RELN: variants seen among roughly 807,000 people sequenced by gnomAD.
RELN encodes the protein reelin.
A neutral mutation model predicts 427.6 loss-of-function variants in RELN; 108 were observed. That is an observed-to-expected ratio of 0.25 (90% confidence interval 0.22 to 0.30). The LOEUF is 0.30. Ranked by LOEUF, RELN falls within the 10% of genes least tolerant of loss-of-function variation. RELN has a pLI of 1.00. For synonymous variants in RELN, 1,524 were observed against 1,513.4 expected, an observed-to-expected ratio of 1.01 and a Z score of -0.16; for missense variants, 3,715 against 4,302.8, an observed-to-expected ratio of 0.86 and a Z score of 3.82.
chr7:103,608,161 C>T (rs748096227), intron 22 of RELN, among the ~76,000 whole-genome samples: 1 of 152,150 alleles, frequency 6.6e-6, no homozygotes, highest in Non-Finnish European at 1.5e-5. Context: ...TTCCCCAATG[C>T]TTGAGAAAAA....
intron 49 of RELN, 119 bp from the exon 50 acceptor site, chr7:103,515,560 C>T: frequency 1.5e-6 from 2 of 1,308,188 alleles, no homozygotes; most frequent in Non-Finnish European, 2.1e-6. Flanking sequence ...GAGGGAAGGA[C>T]ATAAGCTAAA....
chr7:103,859,978 A>T (rs1054265638), intron 2 of RELN, among the ~76,000 whole-genome samples: 3 of 152,186 alleles, frequency 2.0e-5, no homozygotes, highest in Non-Finnish European at 4.4e-5. Flanking sequence ...CATGAACAAA[A>T]TATCAACCCT....
chr7:103,628,059 A>G (rs1021702394), intron 20 of RELN: 14 of 152,238 alleles, frequency 9.2e-5, no homozygotes, highest in Non-Finnish European at 1.8e-4. Context: ...AAGTGTTAGG[A>G]AAAAACTCTT....
chr7:103,507,765 A>G (rs1465356221), intron 51 of RELN, among the ~76,000 whole-genome samples: 1 of 152,180 alleles, frequency 6.6e-6, no homozygotes, highest in African/African-American at 2.4e-5. Context: ...TGAAAAGATC[A>G]ACAAAAGAGA....
At chr7:103,710,297 C>T (rs927817262) in intron 8 of RELN, among the ~76,000 whole-genome samples, 2 of 152,168 alleles carry the variant, frequency 1.3e-5, no homozygotes, top group Non-Finnish European at 2.9e-5. Flanking sequence ...CAGAGTGGAC[C>T]TAACTGCTTT....
chr7:103,755,815 G>GAAAAA (rs4006762), intron 4 of RELN, among the ~76,000 whole-genome samples: 52,559 of 102,872 alleles, frequency 0.51, 13,508 homozygotes, highest in Middle Eastern at 0.57. Flanking sequence ...TCCACCTCAA[G>GAAAAA]AAAAAAAAAA....
intron 49 of RELN, 64 bp from the exon 50 acceptor site, chr7:103,515,505 A>AAGG: frequency 6.7e-7 from 1 of 1,488,234 alleles, no homozygotes; most frequent in East Asian, 2.5e-5. Flanking sequence ...CTCTGAGTAA[A>AAGG]AGATTTACAA....
Position 103,833,559 on chromosome 7 carries a change from C to A in RELN, c.451G>T (p.Gly151Cys). Residue 151 changes from glycine (G) to cysteine (C), a missense_variant, in exon 3 of 65, where the codon GGC (glycine) becomes TGC (cysteine). Transcript: ENST00000428762. ...TACATGAAATTCACACAGCCTGTGC[C>A]CGCAGGTGGAGCAATCCAGATGAAA... Reference protein sequence around the residue: ...LSFIWIAPPAGTGCVNFMATA... With the variant: ...LSFIWIAPPACTGCVNFMATA... 6.2e-7 allele frequency: 1 copy of A among 1,614,064 alleles called. No homozygotes were observed. The highest frequency in any genetic ancestry group is 1.1e-5 in the South Asian group (1 of 91,074).
chr7:103,926,652 T>G (rs1795747334), intron 1 of RELN, among the ~76,000 whole-genome samples: 1 of 82,120 alleles, frequency 1.2e-5, no homozygotes, highest in South Asian at 4.6e-4. Context: ...TTTTTTTTTT[T>G]TTTTTTTTTT....
At chr7:103,689,077 CT>C (rs199706829) in intron 10 of RELN, among the ~76,000 whole-genome samples, 6 of 152,018 alleles carry the variant, frequency 3.9e-5, no homozygotes, top group African/African-American at 1.4e-4. Flanking sequence ...TAACAAATTA[CT>C]TTTTTTAAAA....
intron 34 of RELN, among the ~76,000 whole-genome samples, chr7:103,562,969 C>T (rs1225483785): frequency 1.3e-5 from 2 of 152,266 alleles, no homozygotes; most frequent in Non-Finnish European, 2.9e-5. Flanking sequence ...TCCACCCATG[C>T]TTTTTCTGGC....
At chr7:103,869,435 G>A (rs191592619) in intron 2 of RELN, among the ~76,000 whole-genome samples, 1 of 151,906 alleles carries the variant, frequency 6.6e-6, no homozygotes, top group Admixed American at 6.6e-5. Flanking sequence ...AGAATCCCCT[G>A]TTGTACAAAT....
intron 7 of RELN, among the ~76,000 whole-genome samples, chr7:103,727,408 T>C (rs1209272352): frequency 1.3e-5 from 2 of 152,084 alleles, no homozygotes; most frequent in Non-Finnish European, 2.9e-5. Flanking sequence ...TTCCAGAAGG[T>C]AAAATGAAAG....
chr7:103,652,624 G>A lies in RELN; in HGVS notation c.1690C>T (p.Leu564Phe). Residue 564 changes from leucine to phenylalanine, a missense_variant, in exon 14 of 65, where the codon CTC (leucine) becomes TTC (phenylalanine). By Grantham distance (22) the Leu-to-Phe change is conservative. Transcript: ENST00000428762. ...AVDFFHVLPV[L>F]PSTMSHMIQF... is the part of the protein sequence containing the mutation. The stretch of plus-strand genomic sequence containing the variant: ...ATCATGTGAGACATTGTAGAAGGGA[G>A]AACAGGCAAGACATGGAAAAAGTCT... The A allele has an allele frequency of 1.9e-6, 3 of 1,612,924 alleles. No homozygotes were observed. Among genetic ancestry groups the A allele is most frequent in the Non-Finnish European group, 2.5e-6 (3 of 1,179,300 alleles).
chr7:103,790,723 G>T (rs1470405572), intron 3 of RELN, among the ~76,000 whole-genome samples: 3 of 152,140 alleles, frequency 2.0e-5, no homozygotes, highest in Non-Finnish European at 4.4e-5. Context: ...CAGGAATTTG[G>T]GAGGCTGAGG....
intron 60 of RELN, among the ~76,000 whole-genome samples, chr7:103,488,067 G>A (rs1828507485): frequency 6.6e-6 from 1 of 151,848 alleles, no homozygotes; most frequent in African/African-American, 2.4e-5. Flanking sequence ...ATAATCACTT[G>A]AACCCAGAAG....
chr7:103,591,336 G>C (rs563675312), intron 27 of RELN, among the ~76,000 whole-genome samples: 2 of 152,272 alleles, frequency 1.3e-5, no homozygotes, highest in South Asian at 4.1e-4. Context: ...GAGAGACATG[G>C]ACTAATAATA....
intron 2 of RELN, among the ~76,000 whole-genome samples, chr7:103,887,258 T>C (rs1794744383): frequency 6.6e-6 from 1 of 152,196 alleles, no homozygotes; most frequent in Admixed American, 6.5e-5. Flanking sequence ...AATCTTGGTG[T>C]TGGCTGATTA....
chr7:103,740,411 C>T (rs540874480), intron 6 of RELN, among the ~76,000 whole-genome samples: 5 of 152,184 alleles, frequency 3.3e-5, no homozygotes, highest in Admixed American at 1.3e-4. Context: ...ACTTTTACTG[C>T]TTATATTTTT....
Sources: allele counts gnomAD v4.1 joint callset (sites outside exome capture counted in the v4.1 genomes callset), GRCh38; gene constraint gnomAD v4.1.1; transcripts MANE v1.5; gene names NCBI Gene and HGNC (gene_info 2026-07-23, HGNC 2026-07-21).